LCORL: variants seen among roughly 807,000 people sequenced by gnomAD.
LCORL encodes the protein ligand-dependent nuclear receptor corepressor-like protein.
In LCORL, 41 loss-of-function variants were observed where a neutral mutation model predicts 141.8. That is an observed-to-expected ratio of 0.29 (90% CI 0.23 to 0.38). The LOEUF is 0.38. Among genes scored for constraint, LCORL ranks in the 10% least tolerant of loss-of-function variants. LCORL has a pLI of 1.00. For missense variants in LCORL, 1,759 were observed against 2,035.0 expected (o/e 0.86, Z 2.61); for synonymous variants, 618 against 694.1 (o/e 0.89, Z 1.72).
At position 18,021,686 on chromosome 4, in the gene LCORL, AGCGGCGGCGGCG is replaced by A. The variant is rs751821670; in HGVS notation, c.54_65del (p.Ala19_Ala22del). The A allele has an allele frequency of 7.9e-5, 121 of 1,533,416 alleles. 1 individual carries two copies. In the Admixed American group the frequency reaches 1.3e-3, roughly 16 times the overall value. The allele number at this position is 1,533,416 out of a possible 1,614,324, so 95.0% of individuals were successfully genotyped here. On this transcript the variant is annotated inframe_deletion, in exon 1 of 8. Transcript: ENST00000635767. This position sits in a 1 kb window ranked among gnomAD's most constrained non-coding sequence, Gnocchi z 5.5. Reference sequence around the variant, plus strand: ...CCGCGCACCGAGGGCTCCGGCACTGAGCGGCGGCGGCGGCGGCGGCAGCAGCGGCGGCGGCAG... The same window carrying A: ...CCGCGCACCGAGGGCTCCGGCACTGAGCGGCGGCAGCAGCGGCGGCGGCAG...
intron 7 of LCORL, among the ~76,000 whole-genome samples, chr4:17,856,222 C>A (rs769984365): frequency 4.6e-5 from 7 of 152,194 alleles, no homozygotes; most frequent in Non-Finnish European, 7.3e-5. Context: ...CTGACCATTT[C>A]TTCTGCTATG....
chr4:17,899,227 T>C (rs1430548633), intron 5 of LCORL, among the ~76,000 whole-genome samples: 1 of 152,188 alleles, frequency 6.6e-6, no homozygotes, highest in Non-Finnish European at 1.5e-5. Context: ...CCACTGTCTT[T>C]TGATTTTTCT....
intron 1 of LCORL, among the ~76,000 whole-genome samples, chr4:17,986,209 CT>C (rs1257085108): frequency 6.6e-6 from 1 of 152,100 alleles, no homozygotes; most frequent in African/African-American, 2.4e-5. Flanking sequence ...TCATTCCAAC[CT>C]TGGAAAATGT....
intron 4 of LCORL, among the ~76,000 whole-genome samples, chr4:17,956,356 C>G (rs1712627401): frequency 6.6e-6 from 1 of 152,074 alleles, no homozygotes; most frequent in South Asian, 2.1e-4. Context: ...ATACCTGCAT[C>G]CCCATGTTTA....
At chr4:17,869,745 A>C (rs1448032883) in intron 7 of LCORL, among the ~76,000 whole-genome samples, 4 of 152,082 alleles carry the variant, frequency 2.6e-5, no homozygotes, top group African/African-American at 7.2e-5. Context: ...TGGGAAACAG[A>C]TCCGTATGTT....
intron 4 of LCORL, among the ~76,000 whole-genome samples, chr4:17,924,116 G>A (rs1162047349): frequency 2.6e-5 from 4 of 152,094 alleles, no homozygotes; most frequent in African/African-American, 9.7e-5. Flanking sequence ...TTGGGAAATT[G>A]GTGACAAAGA....
At chr4:17,886,190 A>G (rs1356509367) in intron 5 of LCORL, 29 bp from the exon 6 acceptor site, 4 of 1,134,118 alleles carry the variant, frequency 3.5e-6, no homozygotes, top group Non-Finnish European at 5.3e-6. Flanking sequence ...AAAAAACTTT[A>G]TATTTGCAAC....
intron 7 of LCORL, among the ~76,000 whole-genome samples, chr4:17,871,242 CT>C (rs1227288562): frequency 7.4e-5 from 11 of 149,300 alleles, no homozygotes; most frequent in African/African-American, 2.7e-4. Context: ...TGTTGATTGA[CT>C]AAAAAAAAAG....
exon 7 of LCORL, chr4:17,876,665 A>G: frequency 8.1e-7 from 1 of 1,230,860 alleles, no homozygotes; most frequent in Admixed American, 4.2e-5. Flanking sequence ...GAGGCACAAT[A>G]TTTCGTTTAG....
chr4:17,937,304 T>C, intron 4 of LCORL, among the ~76,000 whole-genome samples: 1 of 152,168 alleles, frequency 6.6e-6, no homozygotes, highest in East Asian at 1.9e-4. Flanking sequence ...GCAGCCATAC[T>C]ATATCAGACA....
rs369964966 is a variant in LCORL, at chr4:17,863,290, TG to T, written c.5602+10097del. 6.5e-3 allele frequency among the ~76,000 whole-genome samples: 990 copies of T among 152,290 alleles called. 15 individuals are homozygous for T. The highest frequency in any genetic ancestry group is 0.023 in the African/African-American group (952 of 41,556). On this transcript the variant is annotated intron_variant, in intron 7 of 7. Coordinates refer to ENST00000635767, the Ensembl canonical transcript of LCORL. The stretch of plus-strand genomic sequence containing the variant: ...GAGATTGTGCCACTGCACTCCGGCC[TG>T]GGCAACAGAGTGAGACTCTGTCTCA...
chr4:17,945,084 C>T lies in LCORL; in HGVS notation c.430+16819G>A, dbSNP rs1395083442. Among the ~76,000 whole-genome samples, 6 of 152,132 alleles carry T rather than the reference C, an allele frequency of 3.9e-5. No homozygotes were observed. In the South Asian group the frequency reaches 1.0e-3, roughly 26 times the overall value. On this transcript the variant is annotated intron_variant, in intron 4 of 7. Coordinates refer to ENST00000635767, the Ensembl canonical transcript of LCORL. ...ACACCCTCTGCAAGAATTATAGATT[C>T]CTTATATCTTAGCAAATTAAGAAAC... is the stretch of plus-strand genomic sequence containing the variant.
chr4:17,917,827 A>G (rs1733690212), intron 4 of LCORL, among the ~76,000 whole-genome samples: 1 of 152,232 alleles, frequency 6.6e-6, no homozygotes, highest in African/African-American at 2.4e-5. Context: ...AGGAATGTCT[A>G]TTAAAGAAAA....
chr4:18,005,987 A>T (rs903229434), intron 1 of LCORL, among the ~76,000 whole-genome samples: 2 of 152,202 alleles, frequency 1.3e-5, no homozygotes, highest in African/African-American at 4.8e-5. Flanking sequence ...TCACCTCAGA[A>T]AATGGAACTT....
intron 2 of LCORL, among the ~76,000 whole-genome samples, chr4:17,970,522 G>A (rs1251308503): frequency 2.6e-5 from 4 of 152,080 alleles, no homozygotes; most frequent in South Asian, 2.1e-4. Flanking sequence ...CAAGTTCCAC[G>A]CTGCCTGTAT....
chr4:17,967,099 A>G (rs1715034407), intron 2 of LCORL, among the ~76,000 whole-genome samples: 1 of 152,204 alleles, frequency 6.6e-6, no homozygotes, highest in Non-Finnish European at 1.5e-5. Flanking sequence ...AGAAACAGAC[A>G]TGAAAAGTAA....
At chr4:18,017,671 T>A (rs2109903336) in intron 1 of LCORL, among the ~76,000 whole-genome samples, 1 of 152,262 alleles carries the variant, frequency 6.6e-6, no homozygotes, top group Middle Eastern at 3.4e-3. Flanking sequence ...GTTGACGAAG[T>A]GTTCCCAATT....
chr4:17,888,609 TATA>T (rs1015386111), intron 5 of LCORL, among the ~76,000 whole-genome samples: 2 of 152,176 alleles, frequency 1.3e-5, no homozygotes, highest in Non-Finnish European at 2.9e-5. Flanking sequence ...GACAGCATCC[TATA>T]ATACTTATGA....
At chr4:17,893,002 G>T (rs1729349318) in intron 5 of LCORL, among the ~76,000 whole-genome samples, 1 of 152,084 alleles carries the variant, frequency 6.6e-6, no homozygotes, top group African/African-American at 2.4e-5. Flanking sequence ...GAGACTCCTT[G>T]TTATGCTCCT....
Sources: allele counts gnomAD v4.1 joint callset (sites outside exome capture counted in the v4.1 genomes callset), GRCh38; gene constraint gnomAD v4.1.1; non-coding constraint Gnocchi (gnomAD v3.1); transcripts MANE v1.5; gene names NCBI Gene and HGNC (gene_info 2026-07-23, HGNC 2026-07-21).